Variants in L2HGDH observed in about 807,000 individuals in gnomAD.
L2HGDH encodes L-2-hydroxyglutarate dehydrogenase.
L2HGDH carries 34 observed loss-of-function variants against 51.5 expected under a neutral mutation model. That is an observed-to-expected ratio of 0.66 (90% confidence interval 0.50 to 0.88). The LOEUF is 0.88. Among genes scored for constraint, L2HGDH ranks in the 40% least tolerant of loss-of-function variants. The pLI is 0.00. For synonymous variants in L2HGDH, 198 were observed against 197.9 expected, an observed-to-expected ratio of 1.00 and a Z score of -0.01; for missense variants, 558 against 571.9, an observed-to-expected ratio of 0.98 and a Z score of 0.25.
At chr14:50,269,356 T>G (rs767939192) in intron 6 of L2HGDH, 26 bp from the exon 7 acceptor site, 10 of 1,610,820 alleles carry the variant, frequency 6.2e-6, no homozygotes, top group African/African-American at 1.3e-5. Context: ...AGAACAGTTA[T>G]TTGTATAAAG....
Position 50,293,693 on chromosome 14 carries a change from C to T in L2HGDH, c.540+422G>A, listed in dbSNP as rs567711953. Among the ~76,000 whole-genome samples, 4 of 152,294 alleles carry T rather than the reference C, an allele frequency of 2.6e-5. No homozygotes were observed. The South Asian group carries it at 8.3e-4, about 32-fold the overall frequency. On this transcript the variant is annotated intron_variant, in intron 4 of 9. Transcript: ENST00000267436. ...CTATCGTATAGATCAGACACTACAG[C>T]TGCCCTCCTCCAAAAATGTTCAATG...
chr14:50,284,320 A>C (rs1890444142), intron 4 of L2HGDH, among the ~76,000 whole-genome samples: 1 of 152,248 alleles, frequency 6.6e-6, no homozygotes, highest in Non-Finnish European at 1.5e-5. Flanking sequence ...GTCCATACTT[A>C]GTAAGAACTC....
chr14:50,245,995 C>T lies in L2HGDH; in HGVS notation c.*1063G>A, dbSNP rs573767161. 352 of 170,098 alleles carry T rather than the reference C, an allele frequency of 2.1e-3. No individual in the cohort carries two copies. The highest frequency in any genetic ancestry group is 8.1e-3 in the African/African-American group (338 of 41,794). The allele number at this position is 170,098 out of a possible 1,614,324, so 10.5% of individuals were successfully genotyped here. ...AAAATTAGCCAGGCATGGTGGTGGG[C>T]GCCTGTAATCCCAGCTACTCAGGAG... On this transcript the variant is annotated 3_prime_UTR_variant, in exon 10 of 10. Transcript: ENST00000267436.
At chr14:50,309,198 T>C (rs998720198) in intron 1 of L2HGDH, among the ~76,000 whole-genome samples, 30 of 152,254 alleles carry the variant, frequency 2.0e-4, no homozygotes, top group African/African-American at 6.8e-4. Flanking sequence ...GAGATCATGC[T>C]TTTGATGTCA....
chr14:50,255,807 C>T (rs1213828291), intron 9 of L2HGDH, among the ~76,000 whole-genome samples: 1 of 151,864 alleles, frequency 6.6e-6, no homozygotes, highest in Non-Finnish European at 1.5e-5. Flanking sequence ...AGGGGTGGAT[C>T]GCTTGAGGTC....
intron 4 of L2HGDH, among the ~76,000 whole-genome samples, chr14:50,292,465 G>C (rs1329414551): frequency 6.6e-6 from 1 of 152,250 alleles, no homozygotes; most frequent in Non-Finnish European, 1.5e-5. Context: ...CCAGAACTTT[G>C]GGAGGCCGAG....
Position 50,312,084 on chromosome 14 carries a change from A to G in L2HGDH, c.67T>C (p.Ser23Pro). The G allele has an allele frequency of 6.2e-7, 1 of 1,605,574 alleles. No homozygotes were observed. Residue 23 changes from serine (S) to proline (P), a missense_variant, in exon 1 of 10, where the codon TCC becomes CCC. Ser to Pro is a moderately conservative substitution (Grantham distance 74). This residue lies in a region of L2HGDH where 194 missense variants were observed against 187.2 expected (regional missense o/e 1.04). Transcript: ENST00000267436. ...GACGCGAACCCGCACGCCCCAGGGG[A>G]GCCACCGGCGAAAAGCCCGCGGGCC... is the stretch of plus-strand genomic sequence containing the variant. Reference protein sequence around the residue: ...GRARGLFAGGSPGACGFASGR... With the variant: ...GRARGLFAGGPPGACGFASGR...
At position 50,245,412 on chromosome 14, in the gene L2HGDH, C is replaced by T; in HGVS notation, c.*1646G>A. 1.0e-6 allele frequency: 1 copy of T among 985,320 alleles called. No individual in the cohort carries two copies. The highest frequency in any genetic ancestry group is 1.2e-6 in the Non-Finnish European group (1 of 829,868). 61.0% of individuals were successfully genotyped at this position (985,320 alleles called of 1,614,324 possible). ...AACAGGACAACCACTCAGTGTACCACTGTTTAGATTTCATGATGATACCAT... is the reference window on the plus strand; with the variant it reads ...AACAGGACAACCACTCAGTGTACCATTGTTTAGATTTCATGATGATACCAT... On this transcript the variant is annotated 3_prime_UTR_variant, in exon 10 of 10. Coordinates refer to ENST00000267436, the MANE Select transcript of L2HGDH (RefSeq NM_024884.3).
Position 50,242,538 on chromosome 14 carries a change from GA to G in L2HGDH, c.*4519del. On this transcript the variant is annotated 3_prime_UTR_variant, in exon 10 of 10. Coordinates refer to ENST00000267436, the MANE Select transcript of L2HGDH (RefSeq NM_024884.3). Reference sequence around the variant, plus strand: ...AAACCCACAATACTTTCTAGGATTTGAGGCCAGAAAAGTAGAGTTGGTTGGT... The same window carrying G: ...AAACCCACAATACTTTCTAGGATTTGGGCCAGAAAAGTAGAGTTGGTTGGT... 1.0e-6 allele frequency: 1 copy of G among 984,552 alleles called. No homozygotes were observed. Among genetic ancestry groups the G allele is most frequent in the South Asian group, 4.7e-5 (1 of 21,262 alleles). The allele number at this position is 984,552 out of a possible 1,614,324, so 61.0% of individuals were successfully genotyped here. A position where few individuals can be genotyped will look rare whatever the true frequency, so the allele number is the denominator to read the frequency against.
At chr14:50,291,224 A>C (rs12889058) in intron 4 of L2HGDH, among the ~76,000 whole-genome samples, 15 of 130,602 alleles carry the variant, frequency 1.1e-4, no homozygotes, top group African/African-American at 2.1e-4. Context: ...AAAAAAAAAA[A>C]CAAACAAAAA....
At chr14:50,308,383 T>A (rs1217077938) in intron 1 of L2HGDH, among the ~76,000 whole-genome samples, 1 of 83,414 alleles carries the variant, frequency 1.2e-5, no homozygotes, top group Non-Finnish European at 2.3e-5. Context: ...CGAAACTCCA[T>A]CTCAGAAAAA....
chr14:50,244,467 A>C lies in L2HGDH; in HGVS notation c.*2591T>G, dbSNP rs1002735062. ...TGTATGCAATCGTACTACTGACAAA[A>C]TACAGAATGATAATATTTTCCATCT... On this transcript the variant is annotated 3_prime_UTR_variant, in exon 10 of 10. Transcript: ENST00000267436. 5.1e-6 allele frequency: 5 copies of C among 985,290 alleles called. No individual in the cohort carries two copies. Among genetic ancestry groups the C allele is most frequent in the Admixed American group, 1.2e-4 (2 of 16,266 alleles). 61.0% of individuals were successfully genotyped at this position (985,290 alleles called of 1,614,324 possible).
At chr14:50,300,337 C>G (rs553566234) in intron 3 of L2HGDH, among the ~76,000 whole-genome samples, 48 of 152,272 alleles carry the variant, frequency 3.2e-4, no homozygotes, top group African/African-American at 1.0e-3. Context: ...CTCTGTTGCC[C>G]AGGCTGGAAT....
At chr14:50,275,930 A>G (rs948728261) in intron 6 of L2HGDH, among the ~76,000 whole-genome samples, 1 of 152,162 alleles carries the variant, frequency 6.6e-6, no homozygotes. Flanking sequence ...CCATTAGAGA[A>G]TGACAGTGGT....
intron 5 of L2HGDH, among the ~76,000 whole-genome samples, chr14:50,280,480 T>G (rs529356893): frequency 2.6e-5 from 4 of 152,052 alleles, no homozygotes; most frequent in Non-Finnish European, 5.9e-5. Context: ...CTGCTTTATA[T>G]AGACATATTT....
intron 5 of L2HGDH, among the ~76,000 whole-genome samples, chr14:50,281,384 A>G (rs1890262694): frequency 6.6e-6 from 1 of 151,896 alleles, no homozygotes; most frequent in South Asian, 2.1e-4. Context: ...CCTGAGGTTA[A>G]GCGTTTAAGA....
intron 3 of L2HGDH, among the ~76,000 whole-genome samples, chr14:50,294,605 T>C (rs891508693): frequency 1.3e-5 from 2 of 152,132 alleles, no homozygotes; most frequent in African/African-American, 2.4e-5. Context: ...ACTTTACTTT[T>C]TTTCCCCCCC....
At chr14:50,271,783 T>C (rs1889706595) in intron 6 of L2HGDH, among the ~76,000 whole-genome samples, 2 of 151,954 alleles carry the variant, frequency 1.3e-5, no homozygotes, top group Non-Finnish European at 2.9e-5. Flanking sequence ...TGAAGCAGAT[T>C]CCCCCCTCCC....
intron 6 of L2HGDH, among the ~76,000 whole-genome samples, chr14:50,276,552 A>AAATG (rs1889992017): frequency 6.6e-6 from 1 of 151,952 alleles, no homozygotes; most frequent in Non-Finnish European, 1.5e-5. Context: ...AACTAAGGTT[A>AAATG]AATGAGGTCA....
Sources: gnomAD v4.1 joint callset for allele counts (sites outside exome capture counted in the v4.1 genomes callset) on GRCh38, gnomAD v4.1.1 for gene constraint, gnomAD v4.1.1 regional missense constraint, MANE v1.5 for transcripts, NCBI Gene and HGNC (gene_info 2026-07-23, HGNC 2026-07-21) for gene names.